TEK: variants seen among roughly 807,000 people sequenced by gnomAD.
TEK encodes the protein angiopoietin-1 receptor.
A neutral mutation model predicts 131.8 loss-of-function variants in TEK; 43 were observed. That is an observed-to-expected ratio of 0.33 (90% confidence interval 0.26 to 0.42). TEK has a LOEUF of 0.42. Ranked by LOEUF, TEK falls within the 10% of genes least tolerant of loss-of-function variation. The pLI is 1.00. For synonymous variants in TEK, 580 were observed against 491.6 expected, an observed-to-expected ratio of 1.18 and a Z score of -2.38; for missense variants, 1,162 against 1,384.4, an observed-to-expected ratio of 0.84 and a Z score of 2.55.
At chr9:27,205,536 T>G (rs1825370525) in intron 14 of TEK, among the ~76,000 whole-genome samples, 1 of 152,170 alleles carries the variant, frequency 6.6e-6, no homozygotes, top group Admixed American at 6.5e-5. Flanking sequence ...TTATCACCCC[T>G]CGTATGTGTA....
chr9:27,115,069 G>T (rs921644043), intron 1 of TEK, among the ~76,000 whole-genome samples: 2 of 152,168 alleles, frequency 1.3e-5, no homozygotes, highest in African/African-American at 4.8e-5. Flanking sequence ...ATAGGCGGAT[G>T]AATTGTAAAA....
chr9:27,130,350 C>A (rs1822162763), intron 1 of TEK, among the ~76,000 whole-genome samples: 1 of 152,104 alleles, frequency 6.6e-6, no homozygotes, highest in Non-Finnish European at 1.5e-5. Context: ...AAAAAACCAT[C>A]TCTTACCACA....
intron 1 of TEK, among the ~76,000 whole-genome samples, chr9:27,125,455 G>C (rs1821952385): frequency 6.6e-6 from 1 of 152,148 alleles, no homozygotes; most frequent in South Asian, 2.1e-4. Flanking sequence ...TTCTATTAGA[G>C]GCCCCCTTTT....
At chr9:27,171,605 T>C (rs1377017693) in intron 4 of TEK, among the ~76,000 whole-genome samples, 1 of 152,210 alleles carries the variant, frequency 6.6e-6, no homozygotes, top group Non-Finnish European at 1.5e-5. Flanking sequence ...TAGGCAGGAC[T>C]ATTTGGGCTT....
At chr9:27,172,539 C>T in intron 4 of TEK, 77 bp from the exon 5 acceptor site, 1 of 1,587,748 alleles carries the variant, frequency 6.3e-7, no homozygotes, top group Non-Finnish European at 8.6e-7. Flanking sequence ...GAATGACTGA[C>T]ACACAGTAGG....
chr9:27,218,770 C>T lies in TEK; in HGVS notation c.3063-7C>T, dbSNP rs746008187. 3 of 1,614,014 alleles carry T rather than the reference C, an allele frequency of 1.9e-6. No homozygotes were observed. In the East Asian group the frequency reaches 6.7e-5, roughly 36 times the overall value. On this transcript the variant is annotated splice_region_variant and splice_polypyrimidine_tract_variant and intron_variant, in intron 19 of 22. Transcript: ENST00000380036. ...GATTGTTGGTTTCACACTTGTCCCT[C>T]CTGCAGATGGTCCTATGGTGTGTTA...
At chr9:27,177,835 T>A (rs1286681606) in intron 6 of TEK, among the ~76,000 whole-genome samples, 1 of 152,222 alleles carries the variant, frequency 6.6e-6, no homozygotes, top group Non-Finnish European at 1.5e-5. Context: ...ATTAAGTGGT[T>A]TGCGTTCCTT....
chr9:27,180,158 A>G, intron 6 of TEK, 82 bp from the exon 7 acceptor site: 1 of 1,593,274 alleles, frequency 6.3e-7, no homozygotes, highest in Non-Finnish European at 8.6e-7. Flanking sequence ...GCTTAGAGAG[A>G]AAAATAAAAC....
intron 1 of TEK, among the ~76,000 whole-genome samples, chr9:27,120,670 C>G (rs1253403474): frequency 1.3e-5 from 2 of 152,212 alleles, no homozygotes; most frequent in South Asian, 2.1e-4. Flanking sequence ...TTGCTATTCC[C>G]TTTGTTCAAG....
intron 2 of TEK, among the ~76,000 whole-genome samples, chr9:27,161,306 G>A (rs1410012734): frequency 1.3e-5 from 2 of 152,164 alleles, no homozygotes; most frequent in Non-Finnish European, 2.9e-5. Flanking sequence ...CAGCTGTGTG[G>A]CCTTTGGCAA....
At chr9:27,144,387 C>T (rs188817162) in intron 1 of TEK, among the ~76,000 whole-genome samples, 2 of 152,310 alleles carry the variant, frequency 1.3e-5, no homozygotes, top group East Asian at 3.9e-4. Flanking sequence ...ATGTTACTGC[C>T]ATCGGAATGA....
chr9:27,166,700 C>A (rs1823743185), intron 2 of TEK, among the ~76,000 whole-genome samples: 1 of 152,132 alleles, frequency 6.6e-6, no homozygotes, highest in Non-Finnish European at 1.5e-5. Context: ...TATTCACAAT[C>A]TTATGTGCCA....
chr9:27,228,358 A>G (rs1251404392), intron 22 of TEK, 53 bp downstream of exon 22: 23 of 1,387,878 alleles, frequency 1.7e-5, no homozygotes, highest in Non-Finnish European at 2.1e-5. Flanking sequence ...TGATGTGCCC[A>G]GGGTGGTTCA....
intron 2 of TEK, among the ~76,000 whole-genome samples, chr9:27,161,958 C>T (rs749973053): frequency 2.0e-5 from 3 of 152,184 alleles, no homozygotes; most frequent in African/African-American, 7.2e-5. Flanking sequence ...AATTTTCCGA[C>T]TCAATTGTAG....
At chr9:27,132,672 A>G (rs1024328458) in intron 1 of TEK, among the ~76,000 whole-genome samples, 1 of 152,240 alleles carries the variant, frequency 6.6e-6, no homozygotes, top group East Asian at 1.9e-4. Context: ...ATTTCAAACT[A>G]TGGCATTTGT....
At chr9:27,210,685 C>G (rs1366673558) in intron 16 of TEK, 3 of 152,222 alleles carry the variant, frequency 2.0e-5, no homozygotes, top group Non-Finnish European at 4.4e-5. Flanking sequence ...TTTACTTCAT[C>G]TGGTTGCAGT....
intron 1 of TEK, among the ~76,000 whole-genome samples, chr9:27,144,037 A>T (rs546318985): frequency 4.5e-4 from 69 of 152,218 alleles, no homozygotes; most frequent in Non-Finnish European, 9.0e-4. Context: ...TAATCCCAGC[A>T]CTTTGGGAGG....
intron 3 of TEK, among the ~76,000 whole-genome samples, chr9:27,168,828 G>A (rs1386286822): frequency 6.6e-6 from 1 of 152,174 alleles, no homozygotes; most frequent in Non-Finnish European, 1.5e-5. Context: ...TGTACATGGT[G>A]TATGTACATA....
chr9:27,158,465 T>C (rs1823423054), intron 2 of TEK, among the ~76,000 whole-genome samples: 1 of 152,122 alleles, frequency 6.6e-6, no homozygotes, highest in Admixed American at 6.5e-5. Flanking sequence ...TGAAAACAAG[T>C]GTTCATTGCC....
Sources: gnomAD v4.1 joint callset for allele counts (sites outside exome capture counted in the v4.1 genomes callset) on GRCh38, gnomAD v4.1.1 for gene constraint, MANE v1.5 for transcripts, NCBI Gene and HGNC (gene_info 2026-07-23, HGNC 2026-07-21) for gene names.